IL4I1: variants seen among roughly 807,000 people sequenced by gnomAD.
IL4I1 encodes the protein L-amino-acid oxidase.
A neutral mutation model predicts 29.7 loss-of-function variants in IL4I1; 24 were observed. The observed-to-expected ratio is 0.81, with a 90% CI of 0.59 to 1.14. IL4I1 has a LOEUF of 1.14. Among genes scored for constraint, IL4I1 ranks in the 50% most tolerant of loss-of-function variants. The pLI is 0.00. For synonymous variants in IL4I1, 371 were observed against 352.5 expected, an observed-to-expected ratio of 1.05 and a Z score of -0.59; for missense variants, 686 against 785.6, an observed-to-expected ratio of 0.87 and a Z score of 1.52.
At chr19:49,892,077 C>CTTTTT (rs773013384) in intron 5 of IL4I1, among the ~76,000 whole-genome samples, 9 of 120,182 alleles carry the variant, frequency 7.5e-5, no homozygotes, top group African/African-American at 9.8e-5. Context: ...CCCTCAATGT[C>CTTTTT]TTTTTTTTTT....
intron 2 of IL4I1, chr19:49,910,006 A>C: frequency 1.5e-6 from 1 of 667,612 alleles, no homozygotes; most frequent in Non-Finnish European, 2.7e-6. Context: ...TGTGTAACCT[A>C]AACTAGGCTC....
chr19:49,896,424 T>C (rs2075211869), intron 1 of IL4I1, among the ~76,000 whole-genome samples: 1 of 151,342 alleles, frequency 6.6e-6, no homozygotes, highest in African/African-American at 2.4e-5. Flanking sequence ...TCTCTTCTTT[T>C]CCCTCTTTCT....
intron 5 of IL4I1, 118 bp from the exon 6 acceptor site, chr19:49,891,591 C>T (rs532136117): frequency 1.2e-6 from 1 of 847,632 alleles, no homozygotes; most frequent in South Asian, 1.4e-5. Flanking sequence ...CCATTCACCA[C>T]TCTCAAGCCC....
At chr19:49,917,269 C>A (rs1049116218) in intron 2 of IL4I1, among the ~76,000 whole-genome samples, 1 of 152,224 alleles carries the variant, frequency 6.6e-6, no homozygotes, top group African/African-American at 2.4e-5. Flanking sequence ...CCCTCACTTG[C>A]CCTCCCGTGG....
chr19:49,912,647 T>A (rs2075502538), intron 2 of IL4I1, among the ~76,000 whole-genome samples: 1 of 152,016 alleles, frequency 6.6e-6, no homozygotes, highest in African/African-American at 2.4e-5. Flanking sequence ...GGGGATCGCT[T>A]GAGCCCAGGA....
intron 2 of IL4I1, chr19:49,907,174 C>T (rs140472122): frequency 1.1e-3 from 191 of 173,022 alleles, no homozygotes; most frequent in African/African-American, 4.2e-3. Context: ...AACAGCGAGA[C>T]GAGGCACAAA....
At chr19:49,926,217 A>C (rs1171200234) in intron 2 of IL4I1, among the ~76,000 whole-genome samples, 1 of 141,506 alleles carries the variant, frequency 7.1e-6, no homozygotes. Flanking sequence ...TCAAAAAAAA[A>C]AAAAAAAAAA....
At chr19:49,920,782 G>A (rs1298245122) in intron 2 of IL4I1, among the ~76,000 whole-genome samples, 1 of 152,222 alleles carries the variant, frequency 6.6e-6, no homozygotes, top group East Asian at 1.9e-4. Flanking sequence ...GCCTGGAGAG[G>A]GACTGAGGCA....
chr19:49,908,725 C>G (rs1204769078), intron 2 of IL4I1: 1 of 1,613,212 alleles, frequency 6.2e-7, no homozygotes, highest in African/African-American at 1.3e-5. Context: ...GCGTGCGGTC[C>G]CAGGCGTTGA....
intron 2 of IL4I1, chr19:49,909,710 G>T (rs1374227051): frequency 1.9e-6 from 3 of 1,614,176 alleles, no homozygotes; most frequent in Non-Finnish European, 2.5e-6. Context: ...GGTGGAGAAA[G>T]AAAACCCTGT....
Position 49,921,015 on chromosome 19 carries a change from T to G in IL4I1, c.-228+6679A>C, listed in dbSNP as rs1024494523. Among the ~76,000 whole-genome samples the G allele has an allele frequency of 1.3e-5, 2 of 152,098 alleles. No individual in the cohort carries two copies. The highest frequency in any genetic ancestry group is 2.9e-5 in the Non-Finnish European group (2 of 68,002). ...GAACCAGGTGAAGGCAGCCAGAAGA[T>G]GGGGGCAGGGTGGCTTTCATTATGA... On this transcript the variant is annotated intron_variant, in intron 2 of 9. Coordinates refer to the IL4I1 transcript ENST00000341114. The surrounding 1 kb of genome is among the most constrained non-coding windows in gnomAD (Gnocchi z 5.4).
At chr19:49,919,299 C>T (rs2075707024) in intron 2 of IL4I1, among the ~76,000 whole-genome samples, 2 of 152,230 alleles carry the variant, frequency 1.3e-5, no homozygotes, top group South Asian at 4.1e-4. Context: ...TGCTGTTGCA[C>T]ATCTTTGCAG....
At position 49,891,001 on chromosome 19, in the gene IL4I1, C is replaced by CG; in HGVS notation, c.742dup (p.Arg248ProfsTer123). On this transcript the variant is annotated frameshift_variant, in exon 7 of 8. Coordinates refer to ENST00000391826, the MANE Select transcript of IL4I1 (RefSeq NM_152899.2). LOFTEE classifies it low-confidence loss of function (END_TRUNC). ...TCTGTCGCTGAGGCAGCTGTGGGCCCGGAGGGCCTCGGCGAAGCTGAGATA... is the reference window on the plus strand; with the variant it reads ...TCTGTCGCTGAGGCAGCTGTGGGCCCGGGAGGGCCTCGGCGAAGCTGAGATA... 6.6e-7 allele frequency: 1 copy of CG among 1,518,572 alleles called. No homozygotes were observed. Among genetic ancestry groups the CG allele is most frequent in the Non-Finnish European group, 8.9e-7 (1 of 1,122,692 alleles). 94.1% of individuals were successfully genotyped at this position (1,518,572 alleles called of 1,614,324 possible). A position where few individuals can be genotyped will look rare whatever the true frequency, so the allele number is the denominator to read the frequency against.
intron 3 of IL4I1, among the ~76,000 whole-genome samples, chr19:49,903,286 C>T (rs1381441545): frequency 4.6e-5 from 7 of 152,204 alleles, no homozygotes; most frequent in Non-Finnish European, 7.3e-5. Context: ...GTCCCCATCA[C>T]GGCAGCGCAC....
rs2075362048 is a variant in IL4I1, at chr19:49,908,022, C to G, written c.-227-3701G>C. The G allele has an allele frequency of 3.0e-6, 3 of 996,080 alleles. No homozygotes were observed. In the South Asian group the frequency reaches 5.3e-5, roughly 18 times the overall value. 61.7% of individuals were successfully genotyped at this position (996,080 alleles called of 1,614,324 possible). On this transcript the variant is annotated intron_variant, in intron 2 of 9. Coordinates refer to the IL4I1 transcript ENST00000341114. The stretch of plus-strand genomic sequence containing the variant: ...GCCAAAGATACTCAAATGAAAGCCA[C>G]AGAAGCCACACCCATGAGGCTGCTG...
chr19:49,909,378 G>A (rs745795276), intron 2 of IL4I1: 6 of 1,613,360 alleles, frequency 3.7e-6, no homozygotes, highest in South Asian at 3.3e-5. Context: ...GTGGTGGAGG[G>A]GCCAAACACA....
intron 7 of IL4I1, 89 bp from the exon 8 acceptor site, chr19:49,890,689 C>A (rs2075123268): frequency 8.3e-7 from 1 of 1,210,468 alleles, no homozygotes; most frequent in Non-Finnish European, 1.1e-6. Context: ...GGCAGCTGGC[C>A]CTTATGGGCA....
rs1413104945 is a variant in IL4I1 at position 49,890,256 on chromosome 19, T to A, written c.1118A>T (p.His373Leu). 1.9e-6 allele frequency: 3 copies of A among 1,575,808 alleles called. No individual in the cohort carries two copies. Among genetic ancestry groups the A allele is most frequent in the African/African-American group, 2.7e-5 (2 of 73,760 alleles). Residue 373 changes from histidine to leucine, a missense_variant, in exon 8 of 8, where the codon CAC becomes CTC. Coordinates refer to ENST00000391826, the MANE Select transcript of IL4I1 (RefSeq NM_152899.2). ...FWREEHIEGG[H>L]SNTDRPSRMI... Reference sequence around the variant, plus strand: ...GCGCGACGGGCGATCGGTGTTTGAGTGGCCGCCTTCAATGTGCTCCTCGCG... The same window carrying A: ...GCGCGACGGGCGATCGGTGTTTGAGAGGCCGCCTTCAATGTGCTCCTCGCG...
chr19:49,914,188 T>C (rs967528797), intron 2 of IL4I1, among the ~76,000 whole-genome samples: 1 of 152,154 alleles, frequency 6.6e-6, no homozygotes, highest in Non-Finnish European at 1.5e-5. Flanking sequence ...ATACTAGAAC[T>C]TGGGAAGTTT....
Sources: gnomAD v4.1 joint callset for allele counts (sites outside exome capture counted in the v4.1 genomes callset) on GRCh38, gnomAD v4.1.1 for gene constraint, Gnocchi (gnomAD v3.1) non-coding constraint, MANE v1.5 for transcripts, NCBI Gene and HGNC (gene_info 2026-07-23, HGNC 2026-07-21) for gene names.